Variants in SERPINE2 observed in about 807,000 individuals in gnomAD.
The protein encoded by SERPINE2 is serpin family E member 2.
SERPINE2 carries 14 observed loss-of-function variants against 36.3 expected under a neutral mutation model. The ratio of observed to expected loss-of-function variants is 0.39; its 90% confidence interval spans 0.25 to 0.60. The LOEUF is 0.60. Among genes scored for constraint, SERPINE2 ranks in the 20% least tolerant of loss-of-function variants. The pLI is 0.57. For synonymous variants in SERPINE2, 192 were observed against 191.8 expected, an observed-to-expected ratio of 1.00 and a Z score of -0.01; for missense variants, 418 against 499.6, an observed-to-expected ratio of 0.84 and a Z score of 1.56.
At chr2:224,022,876 C>T (rs2106193464) in intron 1 of SERPINE2, among the ~76,000 whole-genome samples, 1 of 152,262 alleles carries the variant, frequency 6.6e-6, no homozygotes, top group East Asian at 1.9e-4. Flanking sequence ...CCATGCTATT[C>T]TCATGATAAT....
At position 223,982,773 on chromosome 2, in the gene SERPINE2, G is replaced by C; in HGVS notation, c.893C>G (p.Ala298Gly). 4 of 1,611,432 alleles carry C rather than the reference G, an allele frequency of 2.5e-6. No homozygotes were observed. The highest frequency in any genetic ancestry group is 3.4e-6 in the Non-Finnish European group (4 of 1,178,844). ...RVQVILPKFT[A>G]VAQTDLKEPL... is the part of the protein sequence containing the mutation. ...CTCCTTCAAATCTGTTTGTGCTACAGCTGTGAACCTAGCATGAAAGCAGAA... is the reference window on the plus strand; with the variant it reads ...CTCCTTCAAATCTGTTTGTGCTACACCTGTGAACCTAGCATGAAAGCAGAA... Residue 298 changes from alanine (A) to glycine (G), a missense_variant, in exon 6 of 9, where the codon GCT becomes GGT. Transcript: ENST00000409304.
At chr2:223,986,567 T>G (rs1690438477) in intron 4 of SERPINE2, among the ~76,000 whole-genome samples, 1 of 152,196 alleles carries the variant, frequency 6.6e-6, no homozygotes, top group Non-Finnish European at 1.5e-5. Flanking sequence ...GCGGAGCTAA[T>G]TTTCAGAAAC....
chr2:223,992,725 T>C (rs1167077852), intron 3 of SERPINE2, among the ~76,000 whole-genome samples: 1 of 152,200 alleles, frequency 6.6e-6, no homozygotes, highest in African/African-American at 2.4e-5. Context: ...ACTGAAATGT[T>C]AATTACTCTA....
intron 8 of SERPINE2, 77 bp downstream of exon 8, chr2:223,977,467 T>C (rs924608935): frequency 3.3e-6 from 3 of 916,646 alleles, no homozygotes; most frequent in African/African-American, 1.6e-5. Flanking sequence ...GGCACCACTG[T>C]TGGATATAAT....
At chr2:224,038,644 T>A in intron 1 of SERPINE2, 2 of 777,504 alleles carry the variant, frequency 2.6e-6, no homozygotes, top group Non-Finnish European at 2.2e-6. Context: ...AGGTAACAAG[T>A]AAGAGTGCGC....
chr2:223,987,118 C>T (rs1690466485), intron 4 of SERPINE2, among the ~76,000 whole-genome samples: 1 of 152,146 alleles, frequency 6.6e-6, no homozygotes, highest in Non-Finnish European at 1.5e-5. Context: ...AGTTCCTTGA[C>T]TCCAAGTCTT....
At position 224,016,005 on chromosome 2, in the gene SERPINE2, G is replaced by A. The variant is rs372032795; in HGVS notation, c.-22-14083C>T. Among the ~76,000 whole-genome samples the A allele has an allele frequency of 1.5e-4, 23 of 152,270 alleles. No individual in the cohort carries two copies. The East Asian group carries it at 4.4e-3, about 29-fold the overall frequency. ...ATTCCATTAAAGAGGATGTATAAATGGTAAATACGTCCATTAAAAGATGTT... is the reference window on the plus strand; with the variant it reads ...ATTCCATTAAAGAGGATGTATAAATAGTAAATACGTCCATTAAAAGATGTT... On this transcript the variant is annotated intron_variant, in intron 1 of 8. Transcript: ENST00000409304.
intron 3 of SERPINE2, among the ~76,000 whole-genome samples, chr2:223,993,125 T>TAA (rs57172417): frequency 8.2e-5 from 12 of 146,312 alleles, no homozygotes; most frequent in Non-Finnish European, 1.4e-4. Flanking sequence ...ACCCTGTCTC[T>TAA]AAAAAAAATA....
chr2:224,038,626 C>T, intron 1 of SERPINE2: 3 of 891,112 alleles, frequency 3.4e-6, no homozygotes, highest in Non-Finnish European at 5.5e-6. Context: ...CTCCCTCTGC[C>T]CAGGCAGAGG....
At chr2:224,022,076 A>G (rs1218390916) in intron 1 of SERPINE2, among the ~76,000 whole-genome samples, 4 of 149,818 alleles carry the variant, frequency 2.7e-5, no homozygotes, top group African/African-American at 7.4e-5. Context: ...GGAGAATGGC[A>G]TGAACCCAGG....
chr2:223,985,889 G>T (rs1479343190), intron 4 of SERPINE2, among the ~76,000 whole-genome samples: 1 of 152,194 alleles, frequency 6.6e-6, no homozygotes, highest in African/African-American at 2.4e-5. Context: ...ATTTAAGCCA[G>T]CATTTCTCAA....
At chr2:224,013,960 ATAAGGTG>A (rs1559213846) in intron 1 of SERPINE2, 1 of 152,368 alleles carries the variant, frequency 6.6e-6, no homozygotes, top group East Asian at 1.9e-4. Flanking sequence ...GACAAATTGG[ATAAGGTG>A]GGCTGGCAGG....
chr2:223,975,830 G>A lies in SERPINE2; in HGVS notation c.*37C>T, dbSNP rs779978749. The A allele has an allele frequency of 2.0e-6, 3 of 1,526,370 alleles. No individual in the cohort carries two copies. The highest frequency in any genetic ancestry group is 2.7e-6 in the Non-Finnish European group (3 of 1,122,880). 94.6% of individuals were successfully genotyped at this position (1,526,370 alleles called of 1,614,324 possible). The stretch of plus-strand genomic sequence containing the variant: ...GAAAGGAGTCTTTCTTCGTAGCAAA[G>A]TAGTCGTTGCTTTGCATGGTTTCTT... On this transcript the variant is annotated 3_prime_UTR_variant, in exon 9 of 9. Transcript: ENST00000409304.
At chr2:223,994,148 C>T (rs1690786772) in intron 3 of SERPINE2, among the ~76,000 whole-genome samples, 1 of 152,150 alleles carries the variant, frequency 6.6e-6, no homozygotes, top group Admixed American at 6.5e-5. Flanking sequence ...ATGCCTGGCC[C>T]CACCATGACA....
At chr2:224,024,772 A>G (rs1043000836) in intron 1 of SERPINE2, among the ~76,000 whole-genome samples, 4 of 152,220 alleles carry the variant, frequency 2.6e-5, no homozygotes, top group Non-Finnish European at 4.4e-5. Context: ...GCCAACATCC[A>G]AAGCTAAGAT....
intron 4 of SERPINE2, among the ~76,000 whole-genome samples, chr2:223,987,109 G>C (rs550602960): frequency 1.1e-3 from 170 of 152,268 alleles, no homozygotes; most frequent in African/African-American, 3.9e-3. Context: ...ACTTTGGCAA[G>C]TTCCTTGACT....
chr2:224,008,751 C>T (rs7587909), intron 1 of SERPINE2, among the ~76,000 whole-genome samples: 144,832 of 152,308 alleles, frequency 0.95, 69,131 homozygotes, highest in Non-Finnish European at 0.99. Context: ...TCTAATAAAC[C>T]CTAAATGTTT....
At chr2:224,008,679 A>C (rs1457073159) in intron 1 of SERPINE2, among the ~76,000 whole-genome samples, 1 of 152,184 alleles carries the variant, frequency 6.6e-6, no homozygotes, top group Non-Finnish European at 1.5e-5. Flanking sequence ...AGATGGAATC[A>C]GCCACTTCTC....
At chr2:224,012,643 T>C (rs1691669846) in intron 1 of SERPINE2, among the ~76,000 whole-genome samples, 1 of 151,818 alleles carries the variant, frequency 6.6e-6, no homozygotes, top group Non-Finnish European at 1.5e-5. Context: ...AAAAAAAGAC[T>C]AACAGGACAG....
Sources: allele counts gnomAD v4.1 joint callset (sites outside exome capture counted in the v4.1 genomes callset), GRCh38; gene constraint gnomAD v4.1.1; transcripts MANE v1.5; gene names NCBI Gene and HGNC (gene_info 2026-07-23, HGNC 2026-07-21).